Variants in INPP4A observed in about 807,000 individuals in gnomAD.
The protein encoded by INPP4A is inositol polyphosphate-4-phosphatase type I A.
Under a neutral mutation model 119.8 loss-of-function variants are expected in INPP4A, and 33 were observed. That is an observed-to-expected ratio of 0.28 (90% CI 0.21 to 0.37). INPP4A has a LOEUF of 0.37. INPP4A is among the 10% of genes least tolerant of loss of function. INPP4A has a pLI of 1.00. For synonymous variants in INPP4A, 496 were observed against 500.7 expected (o/e 0.99, Z 0.12); for missense variants, 956 against 1,289.9 (o/e 0.74, Z 3.97).
At chr2:98,463,333 A>G (rs1054154630) in intron 1 of INPP4A, among the ~76,000 whole-genome samples, 15 of 152,334 alleles carry the variant, frequency 9.8e-5, no homozygotes, top group African/African-American at 3.6e-4. Flanking sequence ...AGGAACACAC[A>G]GTGCTTGTGT....
intron 16 of INPP4A, among the ~76,000 whole-genome samples, chr2:98,556,681 G>C (rs1694552848): frequency 6.6e-6 from 1 of 152,216 alleles, no homozygotes; most frequent in Non-Finnish European, 1.5e-5. Flanking sequence ...TGTGATGAGG[G>C]CTTTTAAATT....
intron 13 of INPP4A, chr2:98,552,488 T>G: frequency 2.1e-6 from 1 of 486,922 alleles, no homozygotes; most frequent in Non-Finnish European, 4.0e-6. Flanking sequence ...TTTGGGTGAT[T>G]ATGGGATATG....
At chr2:98,452,787 A>C (rs1695457011) in intron 1 of INPP4A, among the ~76,000 whole-genome samples, 1 of 152,214 alleles carries the variant, frequency 6.6e-6, no homozygotes, top group African/African-American at 2.4e-5. Flanking sequence ...CTCCAGCTCC[A>C]GGTCCCTCTC....
At chr2:98,493,456 TCCC>T (rs1681275240) in intron 1 of INPP4A, among the ~76,000 whole-genome samples, 1 of 150,910 alleles carries the variant, frequency 6.6e-6, no homozygotes. Context: ...AGACAGGGTT[TCCC>T]TCTGTCATCC....
chr2:98,580,068 G>T (rs1158355317), intron 24 of INPP4A, among the ~76,000 whole-genome samples: 1 of 152,230 alleles, frequency 6.6e-6, no homozygotes, highest in Non-Finnish European at 1.5e-5. Context: ...GCGGCTGCAA[G>T]CCGAGGTGGC....
At chr2:98,539,743 TAGCGGGCAG>T in intron 10 of INPP4A, 68 bp downstream of exon 10, 1 of 1,494,576 alleles carries the variant, frequency 6.7e-7, no homozygotes, top group Non-Finnish European at 9.0e-7. Context: ...TTCTGAGATA[TAGCGGGCAG>T]AGCACTGGCA....
At chr2:98,547,077 T>C (rs1575024652) in intron 13 of INPP4A, among the ~76,000 whole-genome samples, 1 of 152,194 alleles carries the variant, frequency 6.6e-6, no homozygotes, top group African/African-American at 2.4e-5. Flanking sequence ...GTGGTAAACA[T>C]TCCCAGTTTT....
chr2:98,448,412 C>A (rs1269113449), intron 1 of INPP4A, among the ~76,000 whole-genome samples: 2 of 149,346 alleles, frequency 1.3e-5, no homozygotes, highest in African/African-American at 4.9e-5. Flanking sequence ...ATTTAGTGTA[C>A]AGGTCGTATT....
At chr2:98,555,240 GC>G (rs1278766985) in intron 15 of INPP4A, among the ~76,000 whole-genome samples, 1 of 152,192 alleles carries the variant, frequency 6.6e-6, no homozygotes, top group African/African-American at 2.4e-5. Flanking sequence ...GTCTGCAGTG[GC>G]AAGAGGAGGA....
chr2:98,572,848 C>T lies in INPP4A; in HGVS notation c.2552C>T (p.Pro851Leu). The T allele has an allele frequency of 6.4e-7, 1 of 1,572,528 alleles. No individual in the cohort carries two copies. The highest frequency in any genetic ancestry group is 8.6e-7 in the Non-Finnish European group (1 of 1,159,172). The change falls in exon 23 of 25, where the codon CCA (proline) becomes CTA (leucine). Residue 851 changes from proline (P) to leucine (L), a missense_variant. Pro to Leu is a moderately conservative substitution (Grantham distance 98). Transcript: ENST00000409851. ...CGGTCTCGCAGTCAGACGTGCCTGCCAGAGCTGCTGCGGTTTCTGGGTCAG... is the reference window on the plus strand; with the variant it reads ...CGGTCTCGCAGTCAGACGTGCCTGCTAGAGCTGCTGCGGTTTCTGGGTCAG... ...LPRSRSQTCL[P>L]ELLRFLGQNV...
At chr2:98,531,948 GA>G (rs1689317355) in intron 4 of INPP4A, among the ~76,000 whole-genome samples, 1 of 152,196 alleles carries the variant, frequency 6.6e-6, no homozygotes, top group Non-Finnish European at 1.5e-5. Context: ...AGCAACTATA[GA>G]AAAACACACA....
chr2:98,529,614 T>C (rs1688826703), intron 4 of INPP4A, among the ~76,000 whole-genome samples: 1 of 152,024 alleles, frequency 6.6e-6, no homozygotes, highest in African/African-American at 2.4e-5. Context: ...TGGGCGCCTG[T>C]AGTCCCAGCT....
At chr2:98,540,784 G>A (rs1175668359) in intron 10 of INPP4A, among the ~76,000 whole-genome samples, 2 of 152,154 alleles carry the variant, frequency 1.3e-5, no homozygotes, top group African/African-American at 4.8e-5. Flanking sequence ...TGAGGGCAGA[G>A]CCCTCATGAC....
At chr2:98,481,369 G>A (rs1678420860) in intron 1 of INPP4A, among the ~76,000 whole-genome samples, 1 of 152,182 alleles carries the variant, frequency 6.6e-6, no homozygotes, top group Non-Finnish European at 1.5e-5. Flanking sequence ...ACCAGTGGGG[G>A]CTTGGTCCCT....
intron 19 of INPP4A, 120 bp downstream of exon 19, chr2:98,564,883 A>C: frequency 8.1e-7 from 1 of 1,235,632 alleles, no homozygotes; most frequent in South Asian, 1.6e-5. Context: ...TCCAAAATAT[A>C]TAACAGCAGA....
At chr2:98,586,253 C>T (rs972124348) in intron 24 of INPP4A, among the ~76,000 whole-genome samples, 4 of 152,068 alleles carry the variant, frequency 2.6e-5, no homozygotes, top group African/African-American at 9.7e-5. Flanking sequence ...ATAAAAAATA[C>T]TGTCTTACCA....
At position 98,528,103 on chromosome 2, in the gene INPP4A, A is replaced by C. The variant is rs140122892; in HGVS notation, c.152-5274A>C. ...GTAGACAAAGATTTTTAAATCAGCT[A>C]TTTTAAGTATGTTCAAATAACTGAA... is the stretch of plus-strand genomic sequence containing the variant. On this transcript the variant is annotated intron_variant, in intron 4 of 24. Transcript: ENST00000409851. Among the ~76,000 whole-genome samples the C allele has an allele frequency of 1.9e-3, 296 of 152,358 alleles. 2 individuals carry two copies. Among genetic ancestry groups the C allele is most frequent in the African/African-American group, 6.8e-3 (283 of 41,588 alleles).
In INPP4A at chr2:98,594,271, ATGTTATCT is replaced by A. The variant is rs1389206865; in HGVS notation, c.*6666_*6673del. 1 of 152,246 alleles carries A rather than the reference ATGTTATCT, an allele frequency of 6.6e-6. No homozygotes were observed. The highest frequency in any genetic ancestry group is 1.5e-5 in the Non-Finnish European group (1 of 68,046). The allele number at this position is 152,246 out of a possible 1,614,324, so 9.4% of individuals were successfully genotyped here. A position where few individuals can be genotyped will look rare whatever the true frequency, so the allele number is the denominator to read the frequency against. On this transcript the variant is annotated 3_prime_UTR_variant, in exon 25 of 25. Transcript: ENST00000409851. ...GCTAAAATTACAGGGGGTTCAGGCA[ATGTTATCT>A]TGATCTGGATGGCCAGTTACATGAC...
intron 10 of INPP4A, among the ~76,000 whole-genome samples, chr2:98,542,078 A>G (rs903499528): frequency 4.6e-5 from 7 of 152,220 alleles, no homozygotes; most frequent in African/African-American, 1.7e-4. Context: ...ATGAAAAGGG[A>G]ACTGTGAGAA....
Sources: gnomAD v4.1 joint callset for allele counts (sites outside exome capture counted in the v4.1 genomes callset) on GRCh38, gnomAD v4.1.1 for gene constraint, MANE v1.5 for transcripts, NCBI Gene and HGNC (gene_info 2026-07-23, HGNC 2026-07-21) for gene names.